The following SCUBE1 variants were observed in gnomAD, a reference collection of about 807,000 sequenced individuals.
SCUBE1 encodes the protein signal peptide, CUB domain and EGF like domain containing 1, also known as signal peptide, CUB and EGF-like domain-containing protein 1.
Under a neutral mutation model 124.4 loss-of-function variants are expected in SCUBE1, and 59 were observed. The ratio of observed to expected loss-of-function variants is 0.47; its 90% confidence interval spans 0.38 to 0.59. SCUBE1 has a LOEUF of 0.59. SCUBE1 is among the 20% of genes least tolerant of loss of function. The probability of loss-of-function intolerance (pLI) is 0.00; values close to 1 mark genes in which losing one functional copy is unlikely to be tolerated. For synonymous variants in SCUBE1, 545 were observed against 550.9 expected (o/e 0.99, Z 0.15); for missense variants, 1,150 against 1,371.2 (o/e 0.84, Z 2.55).
intron 3 of SCUBE1, among the ~76,000 whole-genome samples, chr22:43,306,471 G>A (rs747712902): frequency 1.3e-5 from 2 of 152,068 alleles, no homozygotes; most frequent in Non-Finnish European, 2.9e-5. Context: ...ACCAAATTGA[G>A]ACCTACAAAG....
intron 3 of SCUBE1, among the ~76,000 whole-genome samples, chr22:43,306,798 T>A (rs1280937445): frequency 2.0e-5 from 3 of 152,066 alleles, no homozygotes; most frequent in Non-Finnish European, 2.9e-5. Flanking sequence ...GGCCAACGTG[T>A]CTGATGCCCA....
chr22:43,260,965 C>T lies in SCUBE1; in HGVS notation c.610+1755G>A, dbSNP rs545341136. On this transcript the variant is annotated intron_variant, in intron 5 of 21. Coordinates refer to ENST00000360835, the MANE Select transcript of SCUBE1 (RefSeq NM_173050.5). ...TGTACTATGGGGTCAGGGAGCAAGCCGCCCACAGTCAGGCCACCTGCAGCC... is the reference window on the plus strand; with the variant it reads ...TGTACTATGGGGTCAGGGAGCAAGCTGCCCACAGTCAGGCCACCTGCAGCC... Among the ~76,000 whole-genome samples, 15 of 152,354 alleles carry T rather than the reference C, an allele frequency of 9.8e-5. No individual in the cohort carries two copies. The East Asian group carries it at 1.7e-3, about 18-fold the overall frequency.
intron 6 of SCUBE1, among the ~76,000 whole-genome samples, chr22:43,248,069 G>A (rs1016663474): frequency 2.0e-5 from 3 of 152,242 alleles, no homozygotes; most frequent in South Asian, 2.1e-4. Flanking sequence ...GGCTCTGGCC[G>A]TGGCCTCACA....
chr22:43,289,343 A>T (rs1925268341), intron 4 of SCUBE1, among the ~76,000 whole-genome samples: 1 of 152,188 alleles, frequency 6.6e-6, no homozygotes, highest in Non-Finnish European at 1.5e-5. Flanking sequence ...CACAACTGGG[A>T]GGTCTTACAA....
chr22:43,308,355 T>G (rs2146771730), intron 3 of SCUBE1, among the ~76,000 whole-genome samples: 1 of 152,304 alleles, frequency 6.6e-6, no homozygotes, highest in African/African-American at 2.4e-5. Context: ...TAGGTGGGCA[T>G]AACGAAAGAG....
intron 2 of SCUBE1, among the ~76,000 whole-genome samples, chr22:43,324,131 G>T (rs970984581): frequency 6.6e-6 from 1 of 152,098 alleles, no homozygotes; most frequent in Non-Finnish European, 1.5e-5. Context: ...AATTTTCCTG[G>T]CACAGTATCA....
chr22:43,327,802 A>C (rs5759286), intron 2 of SCUBE1, among the ~76,000 whole-genome samples: 33,529 of 152,138 alleles, frequency 0.22, 4,599 homozygotes, highest in East Asian at 0.53. Flanking sequence ...AAATAAAATA[A>C]AATAAATTAA....
rs182048865 is a variant in SCUBE1 at position 43,319,840 on chromosome 22, A to C, written c.349+97T>G. On this transcript the variant is annotated intron_variant, in intron 3 of 21. Coordinates refer to ENST00000360835, the MANE Select transcript of SCUBE1 (RefSeq NM_173050.5). ...CTGGCAAACTAATACAGGAAGCCAAAGGAAGGAGAACCTTCTCATGGCTCC... is the reference window on the plus strand; with the variant it reads ...CTGGCAAACTAATACAGGAAGCCAACGGAAGGAGAACCTTCTCATGGCTCC... The C allele has an allele frequency of 2.7e-6, 4 of 1,456,432 alleles. No homozygotes were observed. In the East Asian group the frequency reaches 9.3e-5, roughly 34 times the overall value. 90.2% of individuals were successfully genotyped at this position (1,456,432 alleles called of 1,614,324 possible).
chr22:43,276,673 G>T (rs1924533653), intron 4 of SCUBE1, among the ~76,000 whole-genome samples: 1 of 152,226 alleles, frequency 6.6e-6, no homozygotes, highest in Non-Finnish European at 1.5e-5. Flanking sequence ...CCATGCGTAG[G>T]GCCTGTGCCC....
intron 11 of SCUBE1, 140 bp from the exon 12 acceptor site, chr22:43,222,882 G>A: frequency 2.1e-6 from 2 of 945,290 alleles, no homozygotes; most frequent in South Asian, 3.2e-5. Context: ...CACAACCACA[G>A]GGAAGTGGCC....
intron 21 of SCUBE1, among the ~76,000 whole-genome samples, chr22:43,206,245 C>T (rs1921273370): frequency 6.7e-6 from 1 of 149,800 alleles, no homozygotes; most frequent in Non-Finnish European, 1.5e-5. Context: ...ACCCAGCACA[C>T]ACACCCCTAC....
In SCUBE1 at chr22:43,291,067, T is replaced by A. The variant is rs1601864678; in HGVS notation, c.463A>T (p.Thr155Ser). 6.2e-7 allele frequency: 1 copy of A among 1,611,458 alleles called. No individual in the cohort carries two copies. The highest frequency in any genetic ancestry group is 1.3e-5 in the African/African-American group (1 of 74,868). ...TCACCATTGGAGCGGTGGATGCAGG[T>A]ATGCTGGTTGTCACTAAGGAAGAAG... ...SGFFLSDNQH[T>S]CIHRSNEGMN... Residue 155 changes from threonine (T) to serine (S), a missense_variant, in exon 4 of 22, where the codon ACC (threonine) becomes TCC (serine). Around this residue, in one of 3 missense-constraint regions of SCUBE1, gnomAD observed 337 missense variants for 482.1 expected, o/e 0.70. Transcript: ENST00000360835.
In SCUBE1 at chr22:43,198,446, C is replaced by A. The variant is rs942614833; in HGVS notation, c.*5551G>T. The A allele has an allele frequency of 9.5e-6, 4 of 419,750 alleles. No individual in the cohort carries two copies. The highest frequency in any genetic ancestry group is 7.1e-5 in the East Asian group (1 of 14,136). The allele number at this position is 419,750 out of a possible 1,614,324, so 26.0% of individuals were successfully genotyped here. ...AGCAAGGCAGGTGGGATCAGGCCAACCCCAGCTCTGCCTGCCCAGGACTTA... is the reference window on the plus strand; with the variant it reads ...AGCAAGGCAGGTGGGATCAGGCCAAACCCAGCTCTGCCTGCCCAGGACTTA... On this transcript the variant is annotated 3_prime_UTR_variant, in exon 22 of 22. Coordinates refer to ENST00000360835, the MANE Select transcript of SCUBE1 (RefSeq NM_173050.5).
At chr22:43,307,194 G>A (rs1926001997) in intron 3 of SCUBE1, among the ~76,000 whole-genome samples, 3 of 152,224 alleles carry the variant, frequency 2.0e-5, no homozygotes, top group African/African-American at 7.2e-5. Flanking sequence ...CCAGTCCCAG[G>A]AGCTCAGGGC....
chr22:43,291,686 C>T (rs1241392712), intron 3 of SCUBE1, among the ~76,000 whole-genome samples: 3 of 152,160 alleles, frequency 2.0e-5, no homozygotes, highest in Admixed American at 6.5e-5. Flanking sequence ...TGATGCTGCA[C>T]GGTGGTACTC....
chr22:43,325,058 C>T (rs898445910), intron 2 of SCUBE1, among the ~76,000 whole-genome samples: 2 of 151,070 alleles, frequency 1.3e-5, no homozygotes, highest in Non-Finnish European at 2.9e-5. Flanking sequence ...CACAGACACG[C>T]GGAGAGAAGG....
chr22:43,241,469 A>G (rs758824300), intron 6 of SCUBE1, among the ~76,000 whole-genome samples: 8 of 151,744 alleles, frequency 5.3e-5, no homozygotes, highest in Non-Finnish European at 1.0e-4. Context: ...GCTCCATCTG[A>G]GTCTAACCCC....
At chr22:43,208,917 G>C (rs73163944) in intron 19 of SCUBE1, among the ~76,000 whole-genome samples, 19,376 of 152,140 alleles carry the variant, frequency 0.13, 1,302 homozygotes, top group South Asian at 0.22. Context: ...ACGGCTCCCT[G>C]GGGGCCTTCC....
chr22:43,220,011 C>T (rs1922021836), intron 14 of SCUBE1, among the ~76,000 whole-genome samples: 1 of 152,198 alleles, frequency 6.6e-6, no homozygotes, highest in Non-Finnish European at 1.5e-5. Context: ...TCAACATCAA[C>T]GACTCACAGG....
Sources: gnomAD v4.1 joint callset for allele counts (sites outside exome capture counted in the v4.1 genomes callset) on GRCh38, gnomAD v4.1.1 for gene constraint, gnomAD v4.1.1 regional missense constraint, MANE v1.5 for transcripts, NCBI Gene and HGNC (gene_info 2026-07-23, HGNC 2026-07-21) for gene names.